Variants in PI4K2A observed in about 807,000 individuals in gnomAD.
The protein encoded by PI4K2A is phosphatidylinositol 4-kinase type 2 alpha.
In PI4K2A, 20 loss-of-function variants were observed where a neutral mutation model predicts 55.0. The observed-to-expected ratio is 0.36, with a 90% confidence interval of 0.26 to 0.53. The LOEUF is 0.53. Among genes scored for constraint, PI4K2A ranks in the 20% least tolerant of loss-of-function variants. PI4K2A has a pLI of 0.91. For synonymous variants in PI4K2A, 235 were observed against 258.5 expected (o/e 0.91, Z 0.87); for missense variants, 463 against 637.1 (o/e 0.73, Z 2.94).
chr10:97,665,438 C>T (rs1429529601), intron 6 of PI4K2A, among the ~76,000 whole-genome samples: 1 of 152,050 alleles, frequency 6.6e-6, no homozygotes, highest in Admixed American at 6.6e-5. Flanking sequence ...CCACGCCCGG[C>T]TAATTTTGTA....
At chr10:97,642,189 A>G (rs2041473231) in intron 1 of PI4K2A, among the ~76,000 whole-genome samples, 1 of 152,130 alleles carries the variant, frequency 6.6e-6, no homozygotes, top group African/African-American at 2.4e-5. Flanking sequence ...GTGCTGTTTT[A>G]ATAGGAGTCC....
At chr10:97,651,090 G>A (rs1291178868) in exon 2 of PI4K2A, 1 of 1,613,856 alleles carries the variant, frequency 6.2e-7, no homozygotes, top group Admixed American at 1.7e-5. Flanking sequence ...CAGAAGCAGG[G>A]GCCAGCCTGG....
intron 2 of PI4K2A, among the ~76,000 whole-genome samples, chr10:97,652,074 T>C (rs2041532335): frequency 6.6e-6 from 1 of 152,126 alleles, no homozygotes; most frequent in Admixed American, 6.6e-5. Flanking sequence ...GTTTATTTAG[T>C]TATTTACTAA....
intron 5 of PI4K2A, among the ~76,000 whole-genome samples, chr10:97,664,210 G>C (rs2041599712): frequency 6.6e-6 from 1 of 152,282 alleles, no homozygotes; most frequent in Admixed American, 6.5e-5. Flanking sequence ...GGTATCTCAG[G>C]GGATTCAGAT....
At chr10:97,655,973 C>G (rs2041552528) in intron 2 of PI4K2A, among the ~76,000 whole-genome samples, 1 of 152,150 alleles carries the variant, frequency 6.6e-6, no homozygotes, top group South Asian at 2.1e-4. Context: ...CGAGGTTCTT[C>G]CATGGTGTGG....
intron 5 of PI4K2A, among the ~76,000 whole-genome samples, chr10:97,664,350 A>G (rs2041600373): frequency 6.6e-6 from 1 of 152,120 alleles, no homozygotes; most frequent in South Asian, 2.1e-4. Context: ...TTTTACATTC[A>G]TCTCTTGTCC....
chr10:97,663,739 G>T (rs1589937147), intron 5 of PI4K2A, among the ~76,000 whole-genome samples: 1 of 149,576 alleles, frequency 6.7e-6, no homozygotes, highest in Non-Finnish European at 1.5e-5. Flanking sequence ...AGAATGGCTT[G>T]AACCTGGGAG....
At chr10:97,670,230 A>G (rs1363574351) in intron 8 of PI4K2A, among the ~76,000 whole-genome samples, 3 of 152,228 alleles carry the variant, frequency 2.0e-5, no homozygotes, top group Non-Finnish European at 2.9e-5. Flanking sequence ...TTTATTCTTT[A>G]GTATTATGTG....
chr10:97,654,448 G>A (rs1009926097), intron 2 of PI4K2A, among the ~76,000 whole-genome samples: 13 of 152,012 alleles, frequency 8.6e-5, no homozygotes, highest in African/African-American at 3.1e-4. Flanking sequence ...ATGAGAGGCA[G>A]TTATTTTGCC....
chr10:97,663,078 G>A lies in PI4K2A; in HGVS notation c.984+110G>A, dbSNP rs988686294. 8.5e-5 allele frequency: 64 copies of A among 750,546 alleles called. No individual in the cohort carries two copies. In the East Asian group the frequency reaches 9.8e-4, roughly 12 times the overall value. 46.5% of individuals were successfully genotyped at this position (750,546 alleles called of 1,614,324 possible). ...TACAAGTTCAGAAGAATCGGGGGGC[G>A]CATATGTTTAAAATTAATAGGTTAA... is the stretch of plus-strand genomic sequence containing the variant. On this transcript the variant is annotated intron_variant, in intron 5 of 8. Coordinates refer to ENST00000370631, the Ensembl canonical transcript of PI4K2A.
intron 8 of PI4K2A, among the ~76,000 whole-genome samples, chr10:97,672,725 C>CTT (rs146627600): frequency 0.036 from 3,034 of 83,760 alleles, 209 homozygotes; most frequent in Middle Eastern, 0.056. Flanking sequence ...AGGGTCTGTT[C>CTT]TTTTTTTTTT....
intron 1 of PI4K2A, among the ~76,000 whole-genome samples, chr10:97,649,609 ATT>A (rs60329004): frequency 1.1e-4 from 8 of 70,498 alleles, no homozygotes; most frequent in African/African-American, 3.2e-4. Flanking sequence ...TCCATAATAG[ATT>A]TTTTTTTTTT....
At chr10:97,667,193 T>G (rs2041613518) in intron 8 of PI4K2A, 73 bp downstream of exon 8, 2 of 1,165,722 alleles carry the variant, frequency 1.7e-6, no homozygotes, top group Non-Finnish European at 2.5e-6. Flanking sequence ...AGCAAATGTT[T>G]GAAGTTTGTG....
At chr10:97,659,999 TTTC>T (rs2041572904) in intron 4 of PI4K2A, among the ~76,000 whole-genome samples, 1 of 150,880 alleles carries the variant, frequency 6.6e-6, no homozygotes. Context: ...TTTTCTTTCT[TTTC>T]TTTTTTTTTT....
chr10:97,660,155 C>T (rs568901993), intron 4 of PI4K2A, among the ~76,000 whole-genome samples: 3 of 151,342 alleles, frequency 2.0e-5, no homozygotes, highest in African/African-American at 7.3e-5. Flanking sequence ...GCGCCTGCTA[C>T]CACGCCCGGC....
At chr10:97,670,996 G>T (rs925438667) in intron 8 of PI4K2A, among the ~76,000 whole-genome samples, 1 of 152,118 alleles carries the variant, frequency 6.6e-6, no homozygotes, top group Non-Finnish European at 1.5e-5. Context: ...AATTAGCTGG[G>T]TGTGGTGGTG....
At chr10:97,648,130 A>T (rs1376868051) in intron 1 of PI4K2A, among the ~76,000 whole-genome samples, 1 of 133,408 alleles carries the variant, frequency 7.5e-6, no homozygotes, top group Non-Finnish European at 1.6e-5. Context: ...TATTTCGCTC[A>T]TTGCCCAGGC....
chr10:97,654,553 A>G (rs2041543618), intron 2 of PI4K2A, among the ~76,000 whole-genome samples: 2 of 152,216 alleles, frequency 1.3e-5, no homozygotes, highest in Non-Finnish European at 2.9e-5. Context: ...AGGTATTTAT[A>G]TGCTAAAACT....
rs778198939 is a variant in PI4K2A at position 97,641,195 on chromosome 10, G to T, written c.435+18G>T. On this transcript the variant is annotated intron_variant, in intron 1 of 8. Transcript: ENST00000370631. ...CTCAGGGGGTGAGTGCGGGGGTGGG[G>T]ACCGCCGCCGCGGGCTGAGGGCCGG... 30 of 1,577,694 alleles carry T rather than the reference G, an allele frequency of 1.9e-5. No homozygotes were observed. Among genetic ancestry groups the T allele is most frequent in the Middle Eastern group, 1.7e-4 (1 of 5,994 alleles).
Sources: allele counts gnomAD v4.1 joint callset (sites outside exome capture counted in the v4.1 genomes callset), GRCh38; gene constraint gnomAD v4.1.1; transcripts MANE v1.5; gene names NCBI Gene and HGNC (gene_info 2026-07-23, HGNC 2026-07-21).